MAPK3: variants seen among roughly 807,000 people sequenced by gnomAD.
MAPK3 encodes MAPK 1.
MAPK3 carries 30 observed loss-of-function variants against 41.8 expected under a neutral mutation model. That is an observed-to-expected ratio of 0.72 (90% CI 0.54 to 0.97). The LOEUF is 0.97. MAPK3 is among the 50% of genes least tolerant of loss of function. MAPK3 has a pLI of 0.00. For missense variants in MAPK3, 413 were observed against 509.9 expected, an observed-to-expected ratio of 0.81 and a Z score of 1.83; for synonymous variants, 222 against 213.4, an observed-to-expected ratio of 1.04 and a Z score of -0.35.
chr16:30,117,962 TG>T, intron 4 of MAPK3, 84 bp downstream of exon 4: 1 of 1,282,348 alleles, frequency 7.8e-7, no homozygotes, highest in Non-Finnish European at 1.1e-6. Context: ...TCCTGTGTCA[TG>T]GGGGTCAGTG....
rs1041632757 is a variant in MAPK3, at chr16:30,118,131, A to G, written c.576T>C (p.Asp192=). 6.2e-7 allele frequency: 1 copy of G among 1,614,132 alleles called. No homozygotes were observed. The highest frequency in any genetic ancestry group is 8.5e-7 in the Non-Finnish European group (1 of 1,180,032). ...ICDFGLARIA[D]PEHDHTGFLT... ...GGAAGCCGGTGTGGTCATGCTCAGG[A>G]TCGGCAATCCGGGCCAGGCCGAAAT... Residue 192 remains aspartate (D), a synonymous_variant, in exon 4 of 9, where the codon GAT becomes GAC. Coordinates refer to ENST00000263025, the MANE Select transcript of MAPK3 (RefSeq NM_002746.3).
Position 30,117,014 on chromosome 16 carries a change from G to A in MAPK3, c.908-11C>T. On this transcript the variant is annotated splice_polypyrimidine_tract_variant and intron_variant, in intron 6 of 8. Transcript: ENST00000263025. ...CCAGCAGGTCAAGGGCTATGGAAGG[G>A]CAGGAGTCAGGGGTCACAGGGAAGA... 7 of 1,596,388 alleles carry A rather than the reference G, an allele frequency of 4.4e-6. No individual in the cohort carries two copies. The highest frequency in any genetic ancestry group is 6.0e-6 in the Non-Finnish European group (7 of 1,169,060).
At chr16:30,117,469 C>A (rs1373660043) in intron 5 of MAPK3, among the ~76,000 whole-genome samples, 184 bp from the exon 6 acceptor site, 1 of 152,126 alleles carries the variant, frequency 6.6e-6, no homozygotes, top group Non-Finnish European at 1.5e-5. Flanking sequence ...GGCTCAAATC[C>A]TAGGTCTGGT....
chr16:30,116,659 C>CT lies in MAPK3; in HGVS notation c.*8dup. 1 of 1,612,832 alleles carries CT rather than the reference C, an allele frequency of 6.2e-7. No homozygotes were observed. Among genetic ancestry groups the CT allele is most frequent in the Non-Finnish European group, 8.5e-7 (1 of 1,179,906 alleles). ...ACCAGGCCCCAGGGTGCAGAGATGTCTGTCTGGGCTAGGGGGCCTCCAGCA... is the reference window on the plus strand; with the variant it reads ...ACCAGGCCCCAGGGTGCAGAGATGTCTTGTCTGGGCTAGGGGGCCTCCAGCA... On this transcript the variant is annotated 3_prime_UTR_variant, in exon 8 of 9. Coordinates refer to ENST00000263025, the MANE Select transcript of MAPK3 (RefSeq NM_002746.3).
At chr16:30,116,848 C>T in intron 7 of MAPK3, 46 bp downstream of exon 7, 3 of 1,613,310 alleles carry the variant, frequency 1.9e-6, no homozygotes, top group South Asian at 1.1e-5. Context: ...TACGTGCCCC[C>T]CTGCTCCCCT....
chr16:30,121,849 A>G lies in MAPK3; in HGVS notation c.328T>C (p.Ser110Pro). Reference sequence around the variant, plus strand: ...ACATCTCTCATGGCTTCCAGGGTGGACGCCCGCAGAATGTCTCGGATGCCG... The same window carrying G: ...ACATCTCTCATGGCTTCCAGGGTGGGCGCCCGCAGAATGTCTCGGATGCCG... ...VIGIRDILRA[S>P]TLEAMRDVYI... Residue 110 changes from serine (S) to proline (P), a missense_variant, in exon 2 of 9, where the codon TCC becomes CCC. This residue lies in a region of MAPK3 where 140 missense variants were observed against 206.0 expected (regional missense o/e 0.68). Transcript: ENST00000263025. 1 of 1,613,964 alleles carries G rather than the reference A, an allele frequency of 6.2e-7. No individual in the cohort carries two copies. The highest frequency in any genetic ancestry group is 8.5e-7 in the Non-Finnish European group (1 of 1,179,982).
chr16:30,122,110 G>T, intron 1 of MAPK3, 104 bp from the exon 2 acceptor site: 1 of 1,068,802 alleles, frequency 9.4e-7, no homozygotes, highest in Non-Finnish European at 1.4e-6. Context: ...AGCAGGAGCT[G>T]GCTCTGGTCA....
rs117884775 is a variant in MAPK3, at chr16:30,121,430, T to C, written c.353+394A>G. On this transcript the variant is annotated intron_variant, in intron 2 of 8. Transcript: ENST00000263025. ...CAGCTGACAGTTTTCTTTCTCCCTGTCTCCCTTCCGGTCTGGGCAAGGAGG... is the reference window on the plus strand; with the variant it reads ...CAGCTGACAGTTTTCTTTCTCCCTGCCTCCCTTCCGGTCTGGGCAAGGAGG... Among the ~76,000 whole-genome samples, 529 of 152,264 alleles carry C rather than the reference T, an allele frequency of 3.5e-3. 1 individual carries two copies. The highest frequency in any genetic ancestry group is 5.8e-3 in the Non-Finnish European group (392 of 68,028).
Position 30,123,075 on chromosome 16 carries a change from C to A in MAPK3, c.135G>T (p.Leu45Phe), listed in dbSNP as rs751628704. 1 of 1,574,236 alleles carries A rather than the reference C, an allele frequency of 6.4e-7. No homozygotes were observed. The highest frequency in any genetic ancestry group is 1.1e-5 in the South Asian group (1 of 88,468). The change falls in exon 1 of 9, where the codon TTG becomes TTT. Residue 45 changes from leucine (L) to phenylalanine (F), a missense_variant. Transcript: ENST00000263025. ...PFDVGPRYTQ[L>F]QYIGEGAYGM... is the part of the protein sequence containing the mutation. ...CGTACGCGCCCTCGCCGATGTACTG[C>A]AACTGCGTGTAGCGCGGGCCCACGT...
At chr16:30,119,615 C>G (rs1335437661) in intron 2 of MAPK3, among the ~76,000 whole-genome samples, 1 of 152,160 alleles carries the variant, frequency 6.6e-6, no homozygotes, top group Non-Finnish European at 1.5e-5. Flanking sequence ...AATGTATGAA[C>G]ACCATCTGGC....
chr16:30,115,312 T>A (rs1202199838), intron 8 of MAPK3, among the ~76,000 whole-genome samples: 1 of 152,142 alleles, frequency 6.6e-6, no homozygotes, highest in Non-Finnish European at 1.5e-5. Flanking sequence ...ACACAGCACT[T>A]ACTAAGTGGC....
chr16:30,121,763 G>C, intron 2 of MAPK3, 61 bp downstream of exon 2: 2 of 1,528,586 alleles, frequency 1.3e-6, no homozygotes, highest in East Asian at 2.3e-5. Context: ...ACCAAGCAAC[G>C]GGTCCCCAGC....
At chr16:30,120,352 G>A (rs1292040764) in intron 2 of MAPK3, among the ~76,000 whole-genome samples, 2 of 147,650 alleles carry the variant, frequency 1.4e-5, no homozygotes, top group Non-Finnish European at 3.0e-5. Context: ...TGTGGTGGGG[G>A]TTGCAGACAC....
chr16:30,116,333 C>T (rs1013254548), intron 8 of MAPK3, among the ~76,000 whole-genome samples: 14 of 151,840 alleles, frequency 9.2e-5, no homozygotes, highest in Non-Finnish European at 2.1e-4. Context: ...CCCACTGTGC[C>T]CGGCTAATTT....
chr16:30,114,552 G>A lies in MAPK3; in HGVS notation c.*189C>T, dbSNP rs2072936029. On this transcript the variant is annotated 3_prime_UTR_variant, in exon 9 of 9. Transcript: ENST00000263025. ...GCCCCGTGGGGAGGGCGGGTGGGGA[G>A]GAGAAGGCCTTGGCCTGCCTGAAGC... The A allele has an allele frequency of 6.6e-6, 1 of 152,654 alleles. No homozygotes were observed. Among genetic ancestry groups the A allele is most frequent in the Admixed American group, 6.5e-5 (1 of 15,280 alleles). The allele number at this position is 152,654 out of a possible 1,614,324, so 9.5% of individuals were successfully genotyped here. A position where few individuals can be genotyped will look rare whatever the true frequency, so the allele number is the denominator to read the frequency against.
intron 2 of MAPK3, 23 bp from the exon 3 acceptor site, chr16:30,118,561 C>T (rs1387266625): frequency 6.3e-7 from 1 of 1,598,540 alleles, no homozygotes; most frequent in South Asian, 1.1e-5. Flanking sequence ...CCGCAGACCC[C>T]CCCAGGCAGG....
In MAPK3 at chr16:30,118,567, G is replaced by C. The variant is rs769049883; in HGVS notation, c.354-29C>G. ...AGGATGGTTCCGCAGACCCCCCCAG[G>C]CAGGGGGCAGTGGGAGGCACTTGGT... On this transcript the variant is annotated intron_variant, in intron 2 of 8. Coordinates refer to ENST00000263025, the MANE Select transcript of MAPK3 (RefSeq NM_002746.3). 1.1e-5 allele frequency: 17 copies of C among 1,587,532 alleles called. 1 individual carries two copies. In the South Asian group the frequency reaches 1.9e-4, roughly 18 times the overall value.
chr16:30,118,616 G>T, intron 2 of MAPK3, 78 bp from the exon 3 acceptor site: 1 of 1,209,630 alleles, frequency 8.3e-7, no homozygotes, highest in Non-Finnish European at 1.2e-6. Context: ...CTCTGAAGGC[G>T]AGGCTGCACA....
intron 1 of MAPK3, 30 bp downstream of exon 1, chr16:30,123,010 G>A: frequency 6.9e-7 from 1 of 1,455,420 alleles, no homozygotes; most frequent in Non-Finnish European, 9.1e-7. Flanking sequence ...CTCCCCTGAG[G>A]GCACCCCCTC....
Sources: allele counts gnomAD v4.1 joint callset (sites outside exome capture counted in the v4.1 genomes callset), GRCh38; gene constraint gnomAD v4.1.1; regional missense constraint gnomAD v4.1.1; transcripts MANE v1.5; gene names NCBI Gene and HGNC (gene_info 2026-07-23, HGNC 2026-07-21).